The following TNNI3K variants were observed in gnomAD, a reference collection of about 807,000 sequenced individuals.
The protein encoded by TNNI3K is TNNI3 interacting kinase.
In TNNI3K, 140 loss-of-function variants were observed where a neutral mutation model predicts 114.5. That is an observed-to-expected ratio of 1.22 (90% confidence interval 1.07 to 1.41). TNNI3K has a LOEUF of 1.41. Among genes scored for constraint, TNNI3K ranks in the 40% most tolerant of loss-of-function variants. TNNI3K has a pLI of 0.00. For missense variants in TNNI3K, 1,125 were observed against 1,007.6 expected (o/e 1.12, Z -1.58); for synonymous variants, 347 against 347.5 (o/e 1.00, Z 0.02).
chr1:74,250,781 T>C lies in TNNI3K; in HGVS notation c.333+12T>C. The stretch of plus-strand genomic sequence containing the variant: ...TAGCAGTTTACAAGGTAGGACACTT[T>C]AATTCCCATAAACACTGCATTGGAA... On this transcript the variant is annotated intron_variant, in intron 4 of 24. Coordinates refer to ENST00000326637, the MANE Select transcript of TNNI3K (RefSeq NM_015978.3). 6.3e-7 allele frequency: 1 copy of C among 1,596,920 alleles called. No homozygotes were observed. Among genetic ancestry groups the C allele is most frequent in the Non-Finnish European group, 8.5e-7 (1 of 1,172,424 alleles).
At chr1:74,258,629 TATG>T (rs1283878841) in intron 4 of TNNI3K, among the ~76,000 whole-genome samples, 1 of 152,222 alleles carries the variant, frequency 6.6e-6, no homozygotes, top group African/African-American at 2.4e-5. Flanking sequence ...AACAAAAATC[TATG>T]ATATCATTGC....
chr1:74,469,578 CT>C (rs3835392), intron 21 of TNNI3K: 136,687 of 207,724 alleles, frequency 0.66, 45,442 homozygotes, highest in African/African-American at 0.88. Flanking sequence ...TTGTTTAAGG[CT>C]TTTTTTTTTT....
chr1:74,382,690 AC>A (rs1268909193), intron 17 of TNNI3K, among the ~76,000 whole-genome samples: 1 of 152,080 alleles, frequency 6.6e-6, no homozygotes, highest in Non-Finnish European at 1.5e-5. Context: ...TTATGTTTCA[AC>A]CCTTGTATGT....
In TNNI3K at chr1:74,455,339, TCCAGAGGC is replaced by T. The variant is rs1327129884; in HGVS notation, c.2012-8100_2012-8093del. Among the ~76,000 whole-genome samples the T allele has an allele frequency of 3.3e-5, 5 of 152,058 alleles. No individual in the cohort carries two copies. The South Asian group carries it at 1.0e-3, about 32-fold the overall frequency. On this transcript the variant is annotated intron_variant, in intron 20 of 24. Transcript: ENST00000326637. The stretch of plus-strand genomic sequence containing the variant: ...CCAGCAGAAAGCTGTATCAGCAAGG[TCCAGAGGC>T]CTGAGAAATCCACATATAGTTCAGT...
intron 20 of TNNI3K, among the ~76,000 whole-genome samples, chr1:74,461,482 G>GAAAA (rs745581474): frequency 0.058 from 4,311 of 73,892 alleles, 171 homozygotes; most frequent in East Asian, 0.2. Flanking sequence ...TCTGTCTCGA[G>GAAAA]AAAAAAAAAA....
intron 17 of TNNI3K, among the ~76,000 whole-genome samples, chr1:74,388,325 A>G (rs1235212655): frequency 6.6e-6 from 1 of 152,224 alleles, no homozygotes; most frequent in African/African-American, 2.4e-5. Context: ...CTCCTACCCA[A>G]CAAATATTCT....
intron 5 of TNNI3K, among the ~76,000 whole-genome samples, chr1:74,311,648 T>A (rs1659002879): frequency 6.6e-6 from 1 of 152,164 alleles, no homozygotes; most frequent in South Asian, 2.1e-4. Flanking sequence ...AGGAAATGTC[T>A]GTTATCTGGT....
intron 17 of TNNI3K, among the ~76,000 whole-genome samples, chr1:74,422,292 A>G (rs898031121): frequency 2.0e-5 from 3 of 152,064 alleles, no homozygotes; most frequent in Non-Finnish European, 2.9e-5. Flanking sequence ...TTTATATCCT[A>G]TTAGAAAGCA....
intron 5 of TNNI3K, among the ~76,000 whole-genome samples, chr1:74,321,448 C>G (rs1005080721): frequency 1.3e-5 from 2 of 151,992 alleles, no homozygotes; most frequent in Admixed American, 1.3e-4. Context: ...AAGGATGTTA[C>G]TTGCTAGTTT....
intron 17 of TNNI3K, chr1:74,416,672 TC>T (rs769857543): frequency 1.6e-6 from 1 of 623,658 alleles, no homozygotes; most frequent in Middle Eastern, 8.1e-4. Flanking sequence ...TGATTTTTTT[TC>T]TTATTCTTAC....
In TNNI3K at chr1:74,436,055, CTTTTTTTTT is replaced by C; in HGVS notation, c.1773-13_1773-5del. On this transcript the variant is annotated splice_polypyrimidine_tract_variant and intron_variant, in intron 17 of 24. Transcript: ENST00000326637. ...CATAGCAAAGCTTACTCAATGTCTA[CTTTTTTTTT>C]TTTTTTTTTTTACAGTCACAATATT... 6.9e-7 allele frequency: 1 copy of C among 1,441,180 alleles called. No individual in the cohort carries two copies. The highest frequency in any genetic ancestry group is 2.2e-5 in the Admixed American group (1 of 45,364). The allele number at this position is 1,441,180 out of a possible 1,614,324, so 89.3% of individuals were successfully genotyped here.
intron 7 of TNNI3K, among the ~76,000 whole-genome samples, chr1:74,336,764 G>T (rs1197691691): frequency 3.3e-5 from 5 of 150,888 alleles, no homozygotes; most frequent in Admixed American, 2.0e-4. Flanking sequence ...TGGACATTTG[G>T]GTTGGTTCCA....
chr1:74,423,644 C>T (rs1238146873), intron 17 of TNNI3K, among the ~76,000 whole-genome samples: 4 of 152,034 alleles, frequency 2.6e-5, no homozygotes, highest in Admixed American at 1.3e-4. Context: ...GTTACCATAC[C>T]GCAGTTGCTT....
intron 5 of TNNI3K, among the ~76,000 whole-genome samples, chr1:74,310,475 C>A (rs1338199244): frequency 1.3e-5 from 2 of 152,030 alleles, no homozygotes; most frequent in Non-Finnish European, 2.9e-5. Flanking sequence ...AATTCTAAAA[C>A]TCACATGGAA....
chr1:74,272,074 T>C (rs1656386928), intron 5 of TNNI3K, among the ~76,000 whole-genome samples: 1 of 151,956 alleles, frequency 6.6e-6, no homozygotes, highest in African/African-American at 2.4e-5. Context: ...TTAAGTTAGA[T>C]AATTTATATA....
chr1:74,339,590 T>A (rs537098551), intron 7 of TNNI3K, among the ~76,000 whole-genome samples: 2 of 152,198 alleles, frequency 1.3e-5, no homozygotes, highest in East Asian at 3.9e-4. Flanking sequence ...TAACAGAATG[T>A]CACAAATGAA....
intron 5 of TNNI3K, among the ~76,000 whole-genome samples, chr1:74,310,801 T>C (rs1658948124): frequency 6.6e-6 from 1 of 152,200 alleles, no homozygotes; most frequent in Non-Finnish European, 1.5e-5. Context: ...TAAAGATACA[T>C]GCAAAGGTAT....
intron 2 of TNNI3K, among the ~76,000 whole-genome samples, chr1:74,243,150 A>G (rs540302859): frequency 6.4e-4 from 97 of 152,332 alleles, no homozygotes; most frequent in African/African-American, 2.2e-3. Flanking sequence ...TAATTATGCC[A>G]ATTTTATCAT....
intron 4 of TNNI3K, among the ~76,000 whole-genome samples, chr1:74,260,161 A>G (rs1655578270): frequency 6.6e-6 from 1 of 152,164 alleles, no homozygotes. Flanking sequence ...TTTGGGTTTC[A>G]GTTATTAAGT....
Sources: allele counts gnomAD v4.1 joint callset (sites outside exome capture counted in the v4.1 genomes callset), GRCh38; gene constraint gnomAD v4.1.1; transcripts MANE v1.5; gene names NCBI Gene and HGNC (gene_info 2026-07-23, HGNC 2026-07-21).